The following TJP1 variants were observed in gnomAD, a reference collection of about 807,000 sequenced individuals.
TJP1 encodes the protein tight junction protein ZO-1.
In TJP1, 43 loss-of-function variants were observed where a neutral mutation model predicts 194.2. That is an observed-to-expected ratio of 0.22 (90% confidence interval 0.17 to 0.29). The LOEUF is 0.29. TJP1 is among the 10% of genes least tolerant of loss of function. The probability of loss-of-function intolerance (pLI) is 1.00; values close to 1 mark genes in which losing one functional copy is unlikely to be tolerated. For missense variants in TJP1, 1,971 were observed against 2,185.7 expected (o/e 0.90, Z 1.96); for synonymous variants, 801 against 779.0 (o/e 1.03, Z -0.47).
intron 5 of TJP1, among the ~76,000 whole-genome samples, chr15:29,764,886 G>A (rs2046235530): frequency 6.6e-6 from 1 of 152,138 alleles, no homozygotes. Context: ...ATCATCAGCA[G>A]TGACTGGAAG....
At chr15:29,915,596 C>T (rs2054159014) in intron 2 of TJP1, among the ~76,000 whole-genome samples, 1 of 152,128 alleles carries the variant, frequency 6.6e-6, no homozygotes, top group Non-Finnish European at 1.5e-5. Context: ...AAACCTTAAC[C>T]ATTGCCAAAT....
intron 2 of TJP1, among the ~76,000 whole-genome samples, chr15:29,862,379 T>C (rs1391787858): frequency 1.3e-5 from 2 of 151,202 alleles, no homozygotes; most frequent in African/African-American, 4.9e-5. Flanking sequence ...AAAGTGGGGG[T>C]GAAATCATAG....
intron 24 of TJP1, among the ~76,000 whole-genome samples, chr15:29,709,441 C>T (rs1566862187): frequency 6.6e-6 from 1 of 152,196 alleles, no homozygotes; most frequent in Non-Finnish European, 1.5e-5. Flanking sequence ...TCTGATGATG[C>T]CAAACATTGG....
chr15:29,880,218 A>G (rs1596170740), intron 2 of TJP1, among the ~76,000 whole-genome samples: 1 of 152,190 alleles, frequency 6.6e-6, no homozygotes, highest in African/African-American at 2.4e-5. Flanking sequence ...TGAAGCTGTA[A>G]TAACAATAAA....
intron 8 of TJP1, among the ~76,000 whole-genome samples, 199 bp downstream of exon 8, chr15:29,760,940 G>A (rs1595792557): frequency 6.6e-6 from 1 of 152,288 alleles, no homozygotes; most frequent in South Asian, 2.1e-4. Flanking sequence ...CTGCATGATT[G>A]AAATATGTTT....
chr15:29,958,117 A>G (rs937208022), intron 1 of TJP1, among the ~76,000 whole-genome samples: 2 of 152,142 alleles, frequency 1.3e-5, no homozygotes, highest in Admixed American at 6.5e-5. Context: ...TATGACACAT[A>G]TCTTCTTAGG....
At chr15:29,789,884 A>G (rs1325799189) in intron 2 of TJP1, among the ~76,000 whole-genome samples, 1 of 152,238 alleles carries the variant, frequency 6.6e-6, no homozygotes, top group Non-Finnish European at 1.5e-5. Flanking sequence ...GTTTCTTAAA[A>G]GTGGGATGCC....
At position 29,718,529 on chromosome 15, in the gene TJP1, G is replaced by C. The variant is rs749068226; in HGVS notation, c.3613C>G (p.Gln1205Glu). 1 of 1,614,136 alleles carries C rather than the reference G, an allele frequency of 6.2e-7. No homozygotes were observed. Among genetic ancestry groups the C allele is most frequent in the Non-Finnish European group, 8.5e-7 (1 of 1,180,020 alleles). Residue 1205 changes from glutamine (Q) to glutamate (E), a missense_variant, in exon 21 of 28, where the codon CAA becomes GAA. This residue lies in a region of TJP1 where 1,108 missense variants were observed against 1,128.5 expected (regional missense o/e 0.98). Coordinates refer to ENST00000614355, the MANE Select transcript of TJP1 (RefSeq NM_001330239.4). ...TGACCTGCTCTAGAGGTAAATCCTT[G>C]GGGTGGTACTTGCTCGTAACTGCGT... ...YSRSYEQVPP[Q>E]GFTSRAGHFE...
chr15:29,902,478 T>G (rs2053664876), intron 2 of TJP1, among the ~76,000 whole-genome samples: 1 of 152,124 alleles, frequency 6.6e-6, no homozygotes, highest in African/African-American at 2.4e-5. Flanking sequence ...GCACTCAAGT[T>G]TACAAGGGTC....
At chr15:29,707,057 G>C (rs1399296437) in intron 25 of TJP1, among the ~76,000 whole-genome samples, 2 of 152,038 alleles carry the variant, frequency 1.3e-5, no homozygotes, top group African/African-American at 4.8e-5. Flanking sequence ...CCTGAGTATG[G>C]TCCTGCCTCA....
intron 16 of TJP1, 28 bp from the exon 17 acceptor site, chr15:29,727,019 A>T: frequency 6.3e-7 from 1 of 1,582,894 alleles, no homozygotes; most frequent in Non-Finnish European, 8.7e-7. Flanking sequence ...AATATATACA[A>T]AGACACAAGA....
intron 2 of TJP1, among the ~76,000 whole-genome samples, chr15:29,856,580 A>G (rs1284520953): frequency 2.0e-5 from 3 of 152,220 alleles, no homozygotes; most frequent in African/African-American, 7.2e-5. Context: ...AGATTTAAAA[A>G]TAGAAAATAA....
At chr15:29,770,615 G>A (rs1403160966) in intron 4 of TJP1, among the ~76,000 whole-genome samples, 1 of 151,578 alleles carries the variant, frequency 6.6e-6, no homozygotes, top group African/African-American at 2.4e-5. Flanking sequence ...GGGACGCTGA[G>A]CTTGCAGTGA....
chr15:29,924,964 G>C (rs1198300177), intron 2 of TJP1, among the ~76,000 whole-genome samples: 1 of 152,206 alleles, frequency 6.6e-6, no homozygotes, highest in Non-Finnish European at 1.5e-5. Flanking sequence ...AAGTCTCCCA[G>C]AATGCAGTGG....
chr15:29,717,472 C>T (rs1034739738), intron 22 of TJP1, among the ~76,000 whole-genome samples: 2 of 152,178 alleles, frequency 1.3e-5, no homozygotes, highest in African/African-American at 4.8e-5. Flanking sequence ...TGGGAAAAAG[C>T]TCAGGCTGAG....
chr15:29,875,416 C>T (rs1165711191), intron 2 of TJP1, among the ~76,000 whole-genome samples: 1 of 152,208 alleles, frequency 6.6e-6, no homozygotes, highest in Non-Finnish European at 1.5e-5. Context: ...AATTCATTTG[C>T]ATCCCCTTTT....
rs1247350644 is a variant in TJP1, at chr15:29,822,451, C to G, written c.-423G>C. 1 of 986,740 alleles carries G rather than the reference C, an allele frequency of 1.0e-6. No individual in the cohort carries two copies. 61.1% of individuals were successfully genotyped at this position (986,740 alleles called of 1,614,324 possible). ...CGGCGTCCGCTGGCTCAGCCGGCGC[C>G]GGCAACTCAGCGGCCACGCAAACCT... On this transcript the variant is annotated 5_prime_UTR_variant, in exon 1 of 28. Coordinates refer to ENST00000614355, the MANE Select transcript of TJP1 (RefSeq NM_001330239.4).
chr15:29,799,167 T>C (rs1176794280), intron 2 of TJP1, among the ~76,000 whole-genome samples: 1 of 152,014 alleles, frequency 6.6e-6, no homozygotes, highest in African/African-American at 2.4e-5. Context: ...AAAGTCTTAA[T>C]AAAAATAAAT....
intron 25 of TJP1, 36 bp downstream of exon 25, chr15:29,708,523 C>T (rs1404494098): frequency 1.3e-6 from 2 of 1,507,698 alleles, no homozygotes; most frequent in Non-Finnish European, 9.1e-7. Context: ...AGAAAAATCA[C>T]AGGGCCAATG....
Sources: gnomAD v4.1 joint callset for allele counts (sites outside exome capture counted in the v4.1 genomes callset) on GRCh38, gnomAD v4.1.1 for gene constraint, gnomAD v4.1.1 regional missense constraint, MANE v1.5 for transcripts, NCBI Gene and HGNC (gene_info 2026-07-23, HGNC 2026-07-21) for gene names.